EPS15: variants seen among roughly 807,000 people sequenced by gnomAD.
EPS15 encodes epidermal growth factor receptor pathway substrate 15.
A neutral mutation model predicts 113.8 loss-of-function variants in EPS15; 72 were observed. The observed-to-expected ratio is 0.63, with a 90% CI of 0.52 to 0.77. The LOEUF (loss-of-function observed/expected upper bound fraction) is 0.77, where lower values mean the gene tolerates loss of function less well. EPS15 is among the 30% of genes least tolerant of loss of function. EPS15 has a pLI of 0.00. For missense variants in EPS15, 1,048 were observed against 1,045.8 expected (o/e 1.00, Z -0.03); for synonymous variants, 344 against 363.4 (o/e 0.95, Z 0.61).
At chr1:51,399,962 C>G (rs1047246744) in intron 19 of EPS15, among the ~76,000 whole-genome samples, 1 of 152,152 alleles carries the variant, frequency 6.6e-6, no homozygotes, top group Non-Finnish European at 1.5e-5. Flanking sequence ...GATACAGAAC[C>G]TTCCACCTAA....
chr1:51,387,472 T>C (rs1647115141), intron 21 of EPS15, among the ~76,000 whole-genome samples: 1 of 151,616 alleles, frequency 6.6e-6, no homozygotes, highest in African/African-American at 2.4e-5. Context: ...CATAACAATA[T>C]TAACTTTAAA....
At chr1:51,409,359 C>A (rs1186184772) in intron 14 of EPS15, among the ~76,000 whole-genome samples, 176 bp downstream of exon 14, 1 of 152,202 alleles carries the variant, frequency 6.6e-6, no homozygotes, top group African/African-American at 2.4e-5. Flanking sequence ...TCTATTTCCT[C>A]TAAAGAAGGC....
In EPS15 at chr1:51,404,474, A is replaced by G. The variant is rs543788644; in HGVS notation, c.1678-942T>C. On this transcript the variant is annotated intron_variant, in intron 16 of 24. Coordinates refer to ENST00000371733, the MANE Select transcript of EPS15 (RefSeq NM_001981.3). ...TAATCTGCCTTTTGCGCTTGAAAGA[A>G]TATTTTATAATGCATACATGACTGC... Among the ~76,000 whole-genome samples, 378 of 152,330 alleles carry G rather than the reference A, an allele frequency of 2.5e-3. 1 individual carries two copies. Among genetic ancestry groups the G allele is most frequent in the Non-Finnish European group, 4.7e-3 (323 of 68,030 alleles).
At chr1:51,368,668 G>A (rs1646567908) in intron 21 of EPS15, among the ~76,000 whole-genome samples, 1 of 151,308 alleles carries the variant, frequency 6.6e-6, no homozygotes, top group Non-Finnish European at 1.5e-5. Context: ...CACGATCTCG[G>A]CTCACTGCAA....
intron 8 of EPS15, among the ~76,000 whole-genome samples, chr1:51,460,766 C>T (rs1011998171): frequency 6.6e-6 from 1 of 152,070 alleles, no homozygotes; most frequent in Non-Finnish European, 1.5e-5. Context: ...CCAGCCTAGC[C>T]AACACGGCAA....
intron 21 of EPS15, among the ~76,000 whole-genome samples, chr1:51,391,881 T>C (rs1647404856): frequency 6.6e-6 from 1 of 152,176 alleles, no homozygotes; most frequent in Non-Finnish European, 1.5e-5. Flanking sequence ...ATAGCTGCTT[T>C]GTGTTAGACT....
At chr1:51,447,813 T>C (rs572249911) in intron 9 of EPS15, 7 of 191,968 alleles carry the variant, frequency 3.6e-5, no homozygotes, top group African/African-American at 1.7e-4. Context: ...ATTATGCAGG[T>C]TCAACGAGAT....
chr1:51,360,716 T>C (rs1054423093), intron 24 of EPS15, among the ~76,000 whole-genome samples: 4 of 152,194 alleles, frequency 2.6e-5, no homozygotes, highest in African/African-American at 9.7e-5. Context: ...TCCTCTCATA[T>C]AATATTTGCT....
chr1:51,513,513 A>G (rs547282106), intron 1 of EPS15, among the ~76,000 whole-genome samples: 1 of 152,348 alleles, frequency 6.6e-6, no homozygotes, highest in South Asian at 2.1e-4. Flanking sequence ...TACACAGACT[A>G]TTACTGGAAA....
At position 51,402,301 on chromosome 1, in the gene EPS15, C is replaced by T. The variant is rs931842127; in HGVS notation, c.1882+134G>A. The T allele has an allele frequency of 2.1e-4, 101 of 489,014 alleles. No individual in the cohort carries two copies. The Middle Eastern group carries it at 2.3e-3, about 11-fold the overall frequency. 30.3% of individuals were successfully genotyped at this position (489,014 alleles called of 1,614,324 possible). A position where few individuals can be genotyped will look rare whatever the true frequency, so the allele number is the denominator to read the frequency against. ...GGCGGAGGTTGCAGTGAGCCGAGATCGTGCCACTGCACTCCAGCCTGGGCG... is the reference window on the plus strand; with the variant it reads ...GGCGGAGGTTGCAGTGAGCCGAGATTGTGCCACTGCACTCCAGCCTGGGCG... On this transcript the variant is annotated intron_variant, in intron 18 of 24. Transcript: ENST00000371733.
chr1:51,356,683 A>G lies in EPS15; in HGVS notation c.*17T>C. On this transcript the variant is annotated 3_prime_UTR_variant, in exon 25 of 25. Transcript: ENST00000371733. ...GAAGAAGAATACTATATTGTTGCCA[A>G]AGAACAAGAGAATTCTTCATGCTTC... 2 of 1,611,030 alleles carry G rather than the reference A, an allele frequency of 1.2e-6. No individual in the cohort carries two copies. Among genetic ancestry groups the G allele is most frequent in the African/African-American group, 1.3e-5 (1 of 74,772 alleles).
intron 19 of EPS15, 100 bp from the exon 20 acceptor site, chr1:51,399,265 C>G: frequency 8.6e-7 from 1 of 1,159,462 alleles, no homozygotes; most frequent in Non-Finnish European, 1.2e-6. Context: ...AAAAGACAGT[C>G]TGGGGCCAGG....
intron 2 of EPS15, among the ~76,000 whole-genome samples, chr1:51,474,142 A>T (rs1477056463): frequency 6.6e-6 from 1 of 152,234 alleles, no homozygotes; most frequent in Non-Finnish European, 1.5e-5. Flanking sequence ...TACCCTAATA[A>T]TATAAACATT....
At chr1:51,452,535 C>T (rs907132539) in intron 8 of EPS15, among the ~76,000 whole-genome samples, 1 of 152,132 alleles carries the variant, frequency 6.6e-6, no homozygotes, top group African/African-American at 2.4e-5. Flanking sequence ...CCACCACACC[C>T]AACCCCTCAA....
chr1:51,478,952 G>A (rs963494228), intron 2 of EPS15, among the ~76,000 whole-genome samples: 5 of 152,038 alleles, frequency 3.3e-5, no homozygotes, highest in Admixed American at 3.3e-4. Context: ...TGCTCTTCTC[G>A]AGGAGTATCT....
chr1:51,400,712 C>CAAAAAAA (rs375748381), intron 19 of EPS15, among the ~76,000 whole-genome samples: 29 of 60,102 alleles, frequency 4.8e-4, no homozygotes, highest in Admixed American at 6.3e-4. Context: ...CAAAAAACAC[C>CAAAAAAA]AAAAAAAAAA....
At chr1:51,372,905 A>T in intron 21 of EPS15, 1 of 783,404 alleles carries the variant, frequency 1.3e-6, no homozygotes, top group South Asian at 1.6e-5. Flanking sequence ...AAAAACAGCC[A>T]CAGGCAAGCT....
intron 1 of EPS15, among the ~76,000 whole-genome samples, chr1:51,490,564 C>CAAAAAAAA (rs60149665): frequency 1.3e-5 from 1 of 76,612 alleles, no homozygotes; most frequent in Admixed American, 1.5e-4. Context: ...GACTCCATCT[C>CAAAAAAAA]AAAAAAAAAA....
intron 6 of EPS15, 96 bp from the exon 7 acceptor site, chr1:51,463,894 T>A: frequency 1.7e-6 from 1 of 586,304 alleles, no homozygotes; most frequent in Non-Finnish European, 2.9e-6. Flanking sequence ...ACTACATATG[T>A]TTTTAAACTA....
Sources: allele counts gnomAD v4.1 joint callset (sites outside exome capture counted in the v4.1 genomes callset), GRCh38; gene constraint gnomAD v4.1.1; transcripts MANE v1.5; gene names NCBI Gene and HGNC (gene_info 2026-07-23, HGNC 2026-07-21).